Variants in PPARGC1A observed in about 807,000 individuals in gnomAD.
PPARGC1A encodes peroxisome proliferator-activated receptor gamma coactivator 1-alpha.
Under a neutral mutation model 88.7 loss-of-function variants are expected in PPARGC1A, and 25 were observed. The observed-to-expected ratio is 0.28, with a 90% CI of 0.21 to 0.39. The LOEUF (loss-of-function observed/expected upper bound fraction) is 0.39. Ranked by LOEUF, PPARGC1A falls within the 10% of genes least tolerant of loss-of-function variation. PPARGC1A has a pLI of 1.00. For synonymous variants in PPARGC1A, 363 were observed against 355.6 expected (o/e 1.02, Z -0.24); for missense variants, 880 against 968.7 (o/e 0.91, Z 1.22).
At chr4:24,302,050 AGTT>A in the PPARGC1A span, among the ~76,000 whole-genome samples, 1 of 151,982 alleles carries the variant, frequency 6.6e-6, no homozygotes, top group Non-Finnish European at 1.5e-5. Context: ...TTTCCCCCCA[AGTT>A]GTTCTTCTTG....
At chr4:24,353,387 T>TAAA in the PPARGC1A span, among the ~76,000 whole-genome samples, 1 of 141,752 alleles carries the variant, frequency 7.1e-6, no homozygotes, top group Non-Finnish European at 1.5e-5. Context: ...TCTGTGGGCT[T>TAAA]AAAAAAAAAA....
the PPARGC1A span, among the ~76,000 whole-genome samples, chr4:24,414,829 T>C: frequency 6.6e-6 from 1 of 152,186 alleles, no homozygotes; most frequent in African/African-American, 2.4e-5. Flanking sequence ...TTCTTCCTTC[T>C]TGCTGGAATG....
the PPARGC1A span, among the ~76,000 whole-genome samples, chr4:24,029,768 C>A: frequency 6.6e-6 from 1 of 151,906 alleles, no homozygotes; most frequent in Non-Finnish European, 1.5e-5. Flanking sequence ...TCCAAAACAT[C>A]GGTAAAACCA....
chr4:24,004,928 A>G, the PPARGC1A span, among the ~76,000 whole-genome samples: 1 of 152,178 alleles, frequency 6.6e-6, no homozygotes, highest in Non-Finnish European at 1.5e-5. Context: ...TATAAGGCCC[A>G]TTGTAGGTAC....
chr4:24,294,171 G>A, the PPARGC1A span, among the ~76,000 whole-genome samples: 1 of 152,140 alleles, frequency 6.6e-6, no homozygotes, highest in Non-Finnish European at 1.5e-5. Context: ...CTGAACTCAG[G>A]GGCCCGTTGC....
At chr4:24,004,064 C>G in the PPARGC1A span, among the ~76,000 whole-genome samples, 1 of 152,170 alleles carries the variant, frequency 6.6e-6, no homozygotes, top group Non-Finnish European at 1.5e-5. Context: ...TTCTGAAACA[C>G]TGAGCAATAG....
At chr4:24,188,084 TA>T in the PPARGC1A span, among the ~76,000 whole-genome samples, 1 of 152,240 alleles carries the variant, frequency 6.6e-6, no homozygotes, top group Non-Finnish European at 1.5e-5. Flanking sequence ...TGTGCAGCTC[TA>T]ATATAATTCC....
chr4:23,992,891 A>G, the PPARGC1A span, among the ~76,000 whole-genome samples: 23 of 151,932 alleles, frequency 1.5e-4, no homozygotes, highest in Middle Eastern at 3.2e-3. Flanking sequence ...TCTATGTTCA[A>G]TTAAACACAT....
chr4:24,289,426 T>G, the PPARGC1A span, among the ~76,000 whole-genome samples: 3 of 152,072 alleles, frequency 2.0e-5, no homozygotes, highest in African/African-American at 7.2e-5. Flanking sequence ...CAATCCTGCC[T>G]CCTCCAACCC....
At chr4:24,235,548 G>T in the PPARGC1A span, among the ~76,000 whole-genome samples, 1 of 152,118 alleles carries the variant, frequency 6.6e-6, no homozygotes, top group African/African-American at 2.4e-5. Context: ...CCTACACCTT[G>T]CATTTTATGC....
chr4:24,218,234 A>T, the PPARGC1A span, among the ~76,000 whole-genome samples: 1 of 152,226 alleles, frequency 6.6e-6, no homozygotes, highest in Non-Finnish European at 1.5e-5. Flanking sequence ...TTGTCAATGG[A>T]ATAAATAAAT....
the PPARGC1A span, among the ~76,000 whole-genome samples, chr4:24,325,821 G>C: frequency 6.6e-6 from 1 of 152,244 alleles, no homozygotes; most frequent in African/African-American, 2.4e-5. Flanking sequence ...TCAAGGGCCT[G>C]TTTCCCTTGC....
At chr4:24,133,005 C>G in the PPARGC1A span, among the ~76,000 whole-genome samples, 3 of 152,094 alleles carry the variant, frequency 2.0e-5, no homozygotes, top group Non-Finnish European at 4.4e-5. Flanking sequence ...AGTCAAGTGA[C>G]AGGTTTTTGA....
At chr4:24,202,555 T>G in the PPARGC1A span, among the ~76,000 whole-genome samples, 345 of 152,318 alleles carry the variant, frequency 2.3e-3, 3 homozygotes, top group African/African-American at 7.6e-3. Flanking sequence ...AGTGGACACA[T>G]TAATAAATAC....
intron 12 of PPARGC1A, among the ~76,000 whole-genome samples, chr4:23,800,563 A>T (rs1718481118): frequency 6.6e-6 from 1 of 151,072 alleles, no homozygotes; most frequent in Admixed American, 6.6e-5. Context: ...ACGAATTTAT[A>T]TATTAATTGA....
intron 1 of PPARGC1A, among the ~76,000 whole-genome samples, chr4:23,896,012 A>C (rs1718559229): frequency 1.3e-5 from 2 of 150,100 alleles, no homozygotes; most frequent in African/African-American, 4.9e-5. Context: ...ATTTATATTT[A>C]ATATTATCAT....
At chr4:24,263,900 C>T in the PPARGC1A span, among the ~76,000 whole-genome samples, 1 of 151,988 alleles carries the variant, frequency 6.6e-6, no homozygotes, top group Admixed American at 6.6e-5. Flanking sequence ...CATGTGTGCC[C>T]TACCATGCCC....
At position 23,867,617 on chromosome 4, in the gene PPARGC1A, C is replaced by G. The variant is rs76789837; in HGVS notation, c.234+17135G>C. Among the ~76,000 whole-genome samples the G allele has an allele frequency of 6.5e-4, 99 of 152,314 alleles. 1 individual carries two copies. In the East Asian group the frequency reaches 0.018, roughly 28 times the overall value. ...AGGGAATTAAGGTGAAGGAGATCCT[C>G]TCTCTGCTATTTTTGCATCCTGGTT... On this transcript the variant is annotated intron_variant, in intron 2 of 12. Coordinates refer to ENST00000264867, the MANE Select transcript of PPARGC1A (RefSeq NM_013261.5).
the PPARGC1A span, among the ~76,000 whole-genome samples, chr4:24,200,065 T>C: frequency 6.6e-6 from 1 of 152,112 alleles, no homozygotes; most frequent in Non-Finnish European, 1.5e-5. Context: ...ATTTGCATTA[T>C]CAACACAGAG....
Sources: gnomAD v4.1 joint callset for allele counts (sites outside exome capture counted in the v4.1 genomes callset) on GRCh38, gnomAD v4.1.1 for gene constraint, MANE v1.5 for transcripts, NCBI Gene and HGNC (gene_info 2026-07-23, HGNC 2026-07-21) for gene names.